Variants in GHR observed in about 807,000 individuals in gnomAD.
GHR encodes the protein growth hormone receptor, also known as GH receptor.
In GHR, 35 loss-of-function variants were observed where a neutral mutation model predicts 67.1. The ratio of observed to expected loss-of-function variants is 0.52; its 90% CI spans 0.40 to 0.69. The LOEUF is 0.69. Among genes scored for constraint, GHR ranks in the 30% least tolerant of loss-of-function variants. The pLI is 0.00. For synonymous variants in GHR, 272 were observed against 269.1 expected (o/e 1.01, Z -0.10); for missense variants, 792 against 764.6 (o/e 1.04, Z -0.42).
At chr5:42,516,869 A>G (rs1241198956) in intron 1 of GHR, among the ~76,000 whole-genome samples, 2 of 152,170 alleles carry the variant, frequency 1.3e-5, no homozygotes, top group Admixed American at 1.3e-4. Context: ...AAGATTTTTT[A>G]TGGACAGCTG....
At chr5:42,534,297 T>C (rs1379408811) in intron 1 of GHR, among the ~76,000 whole-genome samples, 3 of 140,664 alleles carry the variant, frequency 2.1e-5, no homozygotes, top group Non-Finnish European at 4.5e-5. Flanking sequence ...TACATGTGTA[T>C]ATGTGTATAT....
At chr5:42,711,986 G>T (rs1036845222) in intron 7 of GHR, among the ~76,000 whole-genome samples, 5 of 152,054 alleles carry the variant, frequency 3.3e-5, no homozygotes, top group Admixed American at 3.3e-4. Context: ...TTAAAAATGG[G>T]ACCTATGAAT....
At chr5:42,460,545 T>A (rs894987367) in intron 1 of GHR, among the ~76,000 whole-genome samples, 12 of 152,202 alleles carry the variant, frequency 7.9e-5, no homozygotes, top group Non-Finnish European at 1.5e-5. Flanking sequence ...GGATCTCACT[T>A]ATGCAAATGG....
chr5:42,680,074 A>G (rs1756780485), intron 3 of GHR, among the ~76,000 whole-genome samples: 1 of 152,264 alleles, frequency 6.6e-6, no homozygotes, highest in Non-Finnish European at 1.5e-5. Flanking sequence ...CATTTAGGCC[A>G]GTCACACAAA....
intron 1 of GHR, among the ~76,000 whole-genome samples, chr5:42,445,890 T>A (rs1347754142): frequency 6.6e-6 from 1 of 152,186 alleles, no homozygotes; most frequent in African/African-American, 2.4e-5. Context: ...AACTGTCCAG[T>A]AGCTGGACAA....
At chr5:42,460,434 G>A (rs1296794971) in intron 1 of GHR, among the ~76,000 whole-genome samples, 1 of 152,172 alleles carries the variant, frequency 6.6e-6, no homozygotes, top group Non-Finnish European at 1.5e-5. Context: ...CTTGCCGCAT[G>A]CTTTTGCTGT....
intron 2 of GHR, among the ~76,000 whole-genome samples, chr5:42,628,797 T>A (rs948680893): frequency 2.3e-5 from 3 of 131,030 alleles, no homozygotes; most frequent in African/African-American, 9.7e-5. Context: ...GTCTATTTAG[T>A]CAGTCTTATG....
rs181695656 is a variant in GHR, at chr5:42,660,460, C to T, written c.137-28430C>T. ...GCAGCATTCAAGGTTCATGAAAATC[C>T]GCTGTTCTGCAGCCACCGCTGCTGG... On this transcript the variant is annotated intron_variant, in intron 3 of 9. Coordinates refer to ENST00000230882, the MANE Select transcript of GHR (RefSeq NM_000163.5). Among the ~76,000 whole-genome samples the T allele has an allele frequency of 2.0e-3, 307 of 152,304 alleles. 9 individuals carry two copies. Among genetic ancestry groups the T allele is most frequent in the Middle Eastern group, 3.4e-3 (1 of 294 alleles).
At chr5:42,622,915 C>G (rs1014339771) in intron 2 of GHR, among the ~76,000 whole-genome samples, 1 of 152,114 alleles carries the variant, frequency 6.6e-6, no homozygotes, top group Admixed American at 6.5e-5. Context: ...CTACATGCAG[C>G]CTGCACCAGG....
At chr5:42,609,579 G>T (rs1752788802) in intron 2 of GHR, among the ~76,000 whole-genome samples, 1 of 152,112 alleles carries the variant, frequency 6.6e-6, no homozygotes, top group Admixed American at 6.5e-5. Context: ...CCAACCAGTG[G>T]TGTCTTCCTG....
At chr5:42,549,349 T>C (rs1191841509) in intron 1 of GHR, among the ~76,000 whole-genome samples, 2 of 152,232 alleles carry the variant, frequency 1.3e-5, no homozygotes, top group Non-Finnish European at 2.9e-5. Flanking sequence ...CTTCAACAAT[T>C]TGTTTAAAAC....
intron 2 of GHR, among the ~76,000 whole-genome samples, chr5:42,581,692 C>A (rs935666802): frequency 1.3e-5 from 2 of 152,172 alleles, no homozygotes; most frequent in African/African-American, 4.8e-5. Context: ...GGAGCCGCTG[C>A]TGTGAAGATG....
intron 1 of GHR, among the ~76,000 whole-genome samples, chr5:42,458,670 G>T (rs1744360565): frequency 6.6e-6 from 1 of 152,170 alleles, no homozygotes; most frequent in South Asian, 2.1e-4. Flanking sequence ...AAGAGCTTCT[G>T]CACAGCAAAA....
chr5:42,458,151 G>C (rs1458864296), intron 1 of GHR, among the ~76,000 whole-genome samples: 1 of 152,154 alleles, frequency 6.6e-6, no homozygotes, highest in Non-Finnish European at 1.5e-5. Context: ...AAGGTTTTTA[G>C]ATTGATTGGA....
chr5:42,499,115 C>T (rs1202138624), intron 1 of GHR, among the ~76,000 whole-genome samples: 2 of 152,146 alleles, frequency 1.3e-5, no homozygotes, highest in Non-Finnish European at 2.9e-5. Context: ...AATACTTAGC[C>T]AAACGTGGGG....
At chr5:42,501,002 C>T (rs1746519404) in intron 1 of GHR, among the ~76,000 whole-genome samples, 1 of 152,222 alleles carries the variant, frequency 6.6e-6, no homozygotes, top group Non-Finnish European at 1.5e-5. Context: ...TCATCTTCTA[C>T]ACTGGCTCAT....
chr5:42,470,178 T>G (rs1352006720), intron 1 of GHR, among the ~76,000 whole-genome samples: 1 of 119,764 alleles, frequency 8.3e-6, no homozygotes, highest in Non-Finnish European at 1.9e-5. Context: ...TATAATTATA[T>G]ATTATATACT....
chr5:42,433,888 C>T (rs1405623725), intron 1 of GHR, among the ~76,000 whole-genome samples: 1 of 151,648 alleles, frequency 6.6e-6, no homozygotes, highest in Non-Finnish European at 1.5e-5. Context: ...GATTTGTTAT[C>T]CGTTGGAAGC....
At chr5:42,709,849 T>C (rs1328719517) in intron 6 of GHR, among the ~76,000 whole-genome samples, 1 of 152,000 alleles carries the variant, frequency 6.6e-6, no homozygotes. Context: ...TTAGGTATGA[T>C]AGGAGCCACG....
Sources: allele counts gnomAD v4.1 joint callset (sites outside exome capture counted in the v4.1 genomes callset), GRCh38; gene constraint gnomAD v4.1.1; transcripts MANE v1.5; gene names NCBI Gene and HGNC (gene_info 2026-07-23, HGNC 2026-07-21).